Variants in PIK3CA observed in about 807,000 individuals in gnomAD.
The protein encoded by PIK3CA is phosphatidylinositol 4,5-bisphosphate 3-kinase catalytic subunit alpha isoform.
In PIK3CA, 27 loss-of-function variants were observed where a neutral mutation model predicts 138.2. That is an observed-to-expected ratio of 0.20 (90% CI 0.14 to 0.27). PIK3CA has a LOEUF of 0.27. Ranked by LOEUF, PIK3CA falls within the 10% of genes least tolerant of loss-of-function variation. The pLI, the probability that PIK3CA is intolerant of heterozygous loss-of-function variation, is 1.00. For missense variants in PIK3CA, 544 were observed against 1,277.4 expected (o/e 0.43, Z 8.75); for synonymous variants, 358 against 413.2 (o/e 0.87, Z 1.62).
intron 1 of PIK3CA, among the ~76,000 whole-genome samples, chr3:179,178,117 GT>G (rs1049537227): frequency 4.0e-5 from 4 of 100,444 alleles, no homozygotes; most frequent in Non-Finnish European, 7.5e-5. Context: ...GTTTTTTTTT[GT>G]GTTTTTTTTT....
intron 6 of PIK3CA, among the ~76,000 whole-genome samples, chr3:179,206,496 T>G (rs1441250897): frequency 6.6e-6 from 1 of 152,132 alleles, no homozygotes; most frequent in African/African-American, 2.4e-5. Context: ...TTTTTCCAAA[T>G]TTGGTAAAAA....
Position 179,159,244 on chromosome 3 carries a change from A to G in PIK3CA, c.-77+10641A>G, listed in dbSNP as rs531554460. On this transcript the variant is annotated intron_variant, in intron 1 of 20. Transcript: ENST00000263967. ...GTCTCTTTTAGGGGGTGATATGTAC[A>G]ATGAAAAAATAACATGACATTGGAT... is the stretch of plus-strand genomic sequence containing the variant. Among the ~76,000 whole-genome samples the G allele has an allele frequency of 7.2e-5, 11 of 152,330 alleles. No homozygotes were observed. The South Asian group carries it at 2.3e-3, about 32-fold the overall frequency.
Position 179,230,084 on chromosome 3 carries a change from G to A in PIK3CA, c.2747G>A (p.Arg916His), listed in dbSNP as rs2108424318. The change falls in exon 19 of 21, where the codon CGT becomes CAT. Residue 916 changes from arginine to histidine, a missense_variant. Arg to His is a conservative substitution (Grantham distance 29). This residue lies in a region of PIK3CA where 72 missense variants were observed against 271.8 expected (regional missense o/e 0.26). Transcript: ENST00000263967. This position sits in a 1 kb window ranked among gnomAD's most constrained non-coding sequence, Gnocchi z 5.4. ...ACCTTCATTTTGGGAATTGGAGATC[G>A]TCACAATAGTAACATCATGGTGAAA... ...VATFILGIGDRHNSNIMVKDD... is the reference protein window; with the variant it reads ...VATFILGIGDHHNSNIMVKDD... 1 of 1,612,802 alleles carries A rather than the reference G, an allele frequency of 6.2e-7. No individual in the cohort carries two copies. The highest frequency in any genetic ancestry group is 8.5e-7 in the Non-Finnish European group (1 of 1,178,972).
At position 179,235,291 on chromosome 3, in the gene PIK3CA, A is replaced by AT. The variant is rs993383105; in HGVS notation, c.*935dup. The AT allele has an allele frequency of 1.7e-5, 3 of 178,418 alleles. No homozygotes were observed. The highest frequency in any genetic ancestry group is 3.6e-5 in the Non-Finnish European group (3 of 83,440). 11.1% of individuals were successfully genotyped at this position (178,418 alleles called of 1,614,324 possible). On this transcript the variant is annotated 3_prime_UTR_variant, in exon 21 of 21. Coordinates refer to ENST00000263967, the MANE Select transcript of PIK3CA (RefSeq NM_006218.4). The stretch of plus-strand genomic sequence containing the variant: ...AAGTATTAATGTTATTAAAAAGATT[A>AT]TTTTTTTTATTAAAGGCTATTTATA...
At chr3:179,176,577 C>G (rs1269603675) in intron 1 of PIK3CA, among the ~76,000 whole-genome samples, 2 of 152,124 alleles carry the variant, frequency 1.3e-5, no homozygotes, top group East Asian at 3.9e-4. Context: ...TTTTTATAAA[C>G]TATTTTGCAG....
rs1725407093 is a variant in PIK3CA at position 179,239,908 on chromosome 3, A to T, written c.*5544A>T. Reference sequence around the variant, plus strand: ...GCAAGATGCATGTGTTACTATATTGAGAATATAGAATAATAACAGTATCAC... The same window carrying T: ...GCAAGATGCATGTGTTACTATATTGTGAATATAGAATAATAACAGTATCAC... On this transcript the variant is annotated 3_prime_UTR_variant, in exon 21 of 21. Coordinates refer to ENST00000263967, the MANE Select transcript of PIK3CA (RefSeq NM_006218.4). The T allele has an allele frequency of 1.3e-6, 1 of 779,724 alleles. No homozygotes were observed. Among genetic ancestry groups the T allele is most frequent in the African/African-American group, 1.8e-5 (1 of 55,952 alleles). The allele number at this position is 779,724 out of a possible 1,614,324, so 48.3% of individuals were successfully genotyped here.
chr3:179,148,418 A>G lies in PIK3CA; in HGVS notation c.-262A>G, dbSNP rs1399883776. 2 of 150,580 alleles carry G rather than the reference A, an allele frequency of 1.3e-5. No homozygotes were observed. The highest frequency in any genetic ancestry group is 3.0e-5 in the Non-Finnish European group (2 of 67,558). The allele number at this position is 150,580 out of a possible 1,614,324, so 9.3% of individuals were successfully genotyped here. A position where few individuals can be genotyped will look rare whatever the true frequency, so the allele number is the denominator to read the frequency against. On this transcript the variant is annotated 5_prime_UTR_variant, in exon 1 of 21. Coordinates refer to ENST00000263967, the MANE Select transcript of PIK3CA (RefSeq NM_006218.4). Reference sequence around the variant, plus strand: ...GGCTGCTGCTGCCGCGGCCGCTGGGACTGGGGCTGGGGCCGCCGGCGAGGC... The same window carrying G: ...GGCTGCTGCTGCCGCGGCCGCTGGGGCTGGGGCTGGGGCCGCCGGCGAGGC...
At chr3:179,187,763 G>A (rs1030543753) in intron 1 of PIK3CA, among the ~76,000 whole-genome samples, 53 of 151,058 alleles carry the variant, frequency 3.5e-4, no homozygotes, top group African/African-American at 1.1e-3. Context: ...TCAGTCGCCC[G>A]AGTAGCTGGG....
chr3:179,223,940 C>A, intron 14 of PIK3CA, 141 bp from the exon 15 acceptor site: 1 of 473,796 alleles, frequency 2.1e-6, no homozygotes, highest in African/African-American at 1.9e-5. Flanking sequence ...TAGAAACCCT[C>A]TTAATTAGAA....
intron 17 of PIK3CA, among the ~76,000 whole-genome samples, chr3:179,226,978 C>T (rs1484042599): frequency 2.6e-5 from 4 of 151,974 alleles, no homozygotes; most frequent in African/African-American, 4.8e-5. Context: ...CATGCCACTA[C>T]TACCATGTCC....
intron 1 of PIK3CA, among the ~76,000 whole-genome samples, chr3:179,193,045 C>T (rs1414790954): frequency 1.3e-5 from 2 of 152,184 alleles, no homozygotes; most frequent in Admixed American, 6.5e-5. Context: ...TGCTACTTAA[C>T]GTTGTTCTTA....
intron 1 of PIK3CA, among the ~76,000 whole-genome samples, chr3:179,172,398 A>G (rs1723580485): frequency 6.6e-6 from 1 of 152,152 alleles, no homozygotes. Context: ...TAAGGCAAGA[A>G]AAAGAAATTT....
rs1725394225 is a variant in PIK3CA, at chr3:179,239,347, G to T, written c.*4983G>T. 4 of 201,118 alleles carry T rather than the reference G, an allele frequency of 2.0e-5. No homozygotes were observed. In the East Asian group the frequency reaches 3.1e-4, roughly 15 times the overall value. 12.5% of individuals were successfully genotyped at this position (201,118 alleles called of 1,614,324 possible). A position where few individuals can be genotyped will look rare whatever the true frequency, so the allele number is the denominator to read the frequency against. On this transcript the variant is annotated 3_prime_UTR_variant, in exon 21 of 21. Transcript: ENST00000263967. ...GTCAATTTTTCTAGGTTGGCAAGGA[G>T]GCAGAAAACCTTCATTGTTTCATAT...
rs1051397 is a variant in PIK3CA, at chr3:179,198,835, C to A, written c.10C>A (p.Arg4=). ...GCAAAGAATCAGAACAATGCCTCCA[C>A]GACCATCATCAGGTGAACTGTGGGG... MPP[R]PSSGELWGIH... The change falls in exon 2 of 21, where the codon CGA becomes AGA. Residue 4 remains arginine, a synonymous_variant. Transcript: ENST00000263967. The A allele has an allele frequency of 6.5e-7, 1 of 1,536,222 alleles. No individual in the cohort carries two copies. Among genetic ancestry groups the A allele is most frequent in the Non-Finnish European group, 8.7e-7 (1 of 1,142,878 alleles).
chr3:179,158,329 T>C (rs1560122280), intron 1 of PIK3CA, among the ~76,000 whole-genome samples: 1 of 152,184 alleles, frequency 6.6e-6, no homozygotes, highest in Non-Finnish European at 1.5e-5. Flanking sequence ...GGACAGAAGG[T>C]ATTAAGTAAG....
chr3:179,185,390 A>G (rs1169724030), intron 1 of PIK3CA, among the ~76,000 whole-genome samples: 2 of 152,210 alleles, frequency 1.3e-5, no homozygotes, highest in African/African-American at 4.8e-5. Context: ...CACTACAATA[A>G]TCAACACAGA....
At chr3:179,181,528 T>C (rs982233840) in intron 1 of PIK3CA, among the ~76,000 whole-genome samples, 2 of 152,208 alleles carry the variant, frequency 1.3e-5, no homozygotes, top group Non-Finnish European at 2.9e-5. Flanking sequence ...GTAGATTTTT[T>C]AAACAAATTA....
intron 1 of PIK3CA, among the ~76,000 whole-genome samples, chr3:179,182,515 A>C (rs762493856): frequency 6.6e-6 from 1 of 152,028 alleles, no homozygotes; most frequent in Non-Finnish European, 1.5e-5. Context: ...ATTAAAAAAA[A>C]TTTAGCTGGG....
chr3:179,184,702 T>C (rs1576924961), intron 1 of PIK3CA, among the ~76,000 whole-genome samples: 1 of 152,336 alleles, frequency 6.6e-6, no homozygotes, highest in East Asian at 1.9e-4. Flanking sequence ...ATCTTCTGTT[T>C]AGGCATTTTG....
Sources: gnomAD v4.1 joint callset for allele counts (sites outside exome capture counted in the v4.1 genomes callset) on GRCh38, gnomAD v4.1.1 for gene constraint, gnomAD v4.1.1 regional missense constraint, Gnocchi (gnomAD v3.1) non-coding constraint, MANE v1.5 for transcripts, NCBI Gene and HGNC (gene_info 2026-07-23, HGNC 2026-07-21) for gene names.